The following CERS5 variants were observed in gnomAD, a reference collection of about 807,000 sequenced individuals.
The protein encoded by CERS5 is ceramide synthase 5, also known as LAG1 homolog, ceramide synthase 5.
A neutral mutation model predicts 58.9 loss-of-function variants in CERS5; 37 were observed. The observed-to-expected ratio is 0.63, with a 90% CI of 0.48 to 0.83. CERS5 has a LOEUF of 0.83. CERS5 is among the 40% of genes least tolerant of loss of function. The probability of loss-of-function intolerance (pLI) is 0.00; values close to 1 mark genes in which losing one functional copy is unlikely to be tolerated. For missense variants in CERS5, 398 were observed against 489.3 expected (o/e 0.81, Z 1.76); for synonymous variants, 147 against 177.8 (o/e 0.83, Z 1.38).
intron 1 of CERS5, among the ~76,000 whole-genome samples, chr12:50,156,399 G>C (rs1210156125): frequency 1.1e-5 from 1 of 90,848 alleles, no homozygotes; most frequent in African/African-American, 4.4e-5. Flanking sequence ...GCAAGACTCT[G>C]TCTCAAAACA....
chr12:50,143,978 C>T lies in CERS5; in HGVS notation c.277G>A (p.Glu93Lys). The T allele has an allele frequency of 1.2e-6, 2 of 1,610,488 alleles. No individual in the cohort carries two copies. The highest frequency in any genetic ancestry group is 1.7e-6 in the Non-Finnish European group (2 of 1,176,806). ...PYQAQPNAILEKVFISITKYP... is the reference protein window; with the variant it reads ...PYQAQPNAILKKVFISITKYP... ...TTGGTAATAGATATGAACACCTTTT[C>T]AAGGATGGCATTGGGTTGGGCCTGA... Residue 93 changes from glutamate to lysine, a missense_variant, in exon 2 of 10, where the codon GAA becomes AAA. Around this residue, in one of 3 missense-constraint regions of CERS5, gnomAD observed 328 missense variants for 384.5 expected, o/e 0.85. Coordinates refer to ENST00000317551, the MANE Select transcript of CERS5 (RefSeq NM_147190.5).
At chr12:50,163,001 C>G (rs952360993) in intron 1 of CERS5, among the ~76,000 whole-genome samples, 3 of 152,088 alleles carry the variant, frequency 2.0e-5, no homozygotes, top group Non-Finnish European at 4.4e-5. Context: ...TGGGCTCAAG[C>G]CATCTTCCTG....
At chr12:50,166,826 T>C (rs1414202933) in intron 1 of CERS5, among the ~76,000 whole-genome samples, 1 of 152,104 alleles carries the variant, frequency 6.6e-6, no homozygotes, top group East Asian at 1.9e-4. Flanking sequence ...GGAGGAGGCC[T>C]ATATGACCCC....
At position 50,147,848 on chromosome 12, in the gene CERS5, G is replaced by A. The variant is rs139853003; in HGVS notation, c.198-3791C>T. ...GCTGGAGTGCAGTGGTGTGATCACTGCTCACTGCAGCCTTGACTTCCTAAG... is the reference window on the plus strand; with the variant it reads ...GCTGGAGTGCAGTGGTGTGATCACTACTCACTGCAGCCTTGACTTCCTAAG... On this transcript the variant is annotated intron_variant, in intron 1 of 9. Transcript: ENST00000317551. Among the ~76,000 whole-genome samples, 322 of 152,230 alleles carry A rather than the reference G, an allele frequency of 2.1e-3. 1 individual carries two copies. The highest frequency in any genetic ancestry group is 7.2e-3 in the African/African-American group (301 of 41,538).
chr12:50,163,166 G>C (rs1212120590), intron 1 of CERS5, among the ~76,000 whole-genome samples: 1 of 152,002 alleles, frequency 6.6e-6, no homozygotes, highest in Non-Finnish European at 1.5e-5. Context: ...CCAAAGTGTT[G>C]GGATTACAGG....
chr12:50,133,759 G>A (rs577567908), intron 9 of CERS5: 8 of 985,424 alleles, frequency 8.1e-6, no homozygotes, highest in South Asian at 4.7e-5. Flanking sequence ...TTCCTCTTGC[G>A]TCTAAGTCAC....
chr12:50,166,838 C>T (rs1019148487), intron 1 of CERS5, among the ~76,000 whole-genome samples: 1 of 152,164 alleles, frequency 6.6e-6, no homozygotes, highest in African/African-American at 2.4e-5. Context: ...TATGACCCCC[C>T]CAATCCAACT....
chr12:50,154,657 T>A (rs567330936), intron 1 of CERS5, among the ~76,000 whole-genome samples: 3 of 152,328 alleles, frequency 2.0e-5, no homozygotes, highest in Middle Eastern at 3.4e-3. Context: ...AGCTTATTTA[T>A]GTTAACATGT....
intron 1 of CERS5, among the ~76,000 whole-genome samples, chr12:50,150,039 G>C (rs1937777664): frequency 6.6e-6 from 1 of 152,190 alleles, no homozygotes; most frequent in East Asian, 1.9e-4. Context: ...AGCATACTCA[G>C]CCACAAATGT....
intron 1 of CERS5, among the ~76,000 whole-genome samples, chr12:50,166,779 G>A (rs966864331): frequency 6.6e-6 from 1 of 152,102 alleles, no homozygotes; most frequent in Non-Finnish European, 1.5e-5. Flanking sequence ...AGCTCACACT[G>A]AACCTGTTTC....
intron 1 of CERS5, among the ~76,000 whole-genome samples, chr12:50,154,811 T>G (rs918345870): frequency 6.6e-6 from 1 of 152,142 alleles, no homozygotes; most frequent in Admixed American, 6.6e-5. Flanking sequence ...ATTACAAGTG[T>G]GAACCCCTGC....
At chr12:50,165,393 T>TGGGC (rs1939764019) in intron 1 of CERS5, 1 of 144,658 alleles carries the variant, frequency 6.9e-6, no homozygotes, top group South Asian at 2.1e-4. Flanking sequence ...CACTCCAGCC[T>TGGGC]GGGCGACAGA....
At chr12:50,166,870 C>A (rs1166091970) in intron 1 of CERS5, among the ~76,000 whole-genome samples, 2 of 152,174 alleles carry the variant, frequency 1.3e-5, no homozygotes, top group Non-Finnish European at 2.9e-5. Flanking sequence ...ATTGAAGGGG[C>A]CCAGCATTCC....
rs1179698046 is a variant in CERS5, at chr12:50,165,829, C to CT, written c.197+1271dup. ...AAGAACCACCCTCATTACCTGAGGCCTATGGCAGAAACATGTCTCCTTTCT... is the reference window on the plus strand; with the variant it reads ...AAGAACCACCCTCATTACCTGAGGCCTTATGGCAGAAACATGTCTCCTTTCT... On this transcript the variant is annotated intron_variant, in intron 1 of 9. Coordinates refer to ENST00000317551, the MANE Select transcript of CERS5 (RefSeq NM_147190.5). 1.0e-5 allele frequency: 4 copies of CT among 384,144 alleles called. No homozygotes were observed. In the East Asian group the frequency reaches 3.6e-4, roughly 34 times the overall value. The allele number at this position is 384,144 out of a possible 1,614,324, so 23.8% of individuals were successfully genotyped here. A position where few individuals can be genotyped will look rare whatever the true frequency, so the allele number is the denominator to read the frequency against.
At chr12:50,149,820 A>G (rs1275124566) in intron 1 of CERS5, among the ~76,000 whole-genome samples, 3 of 152,078 alleles carry the variant, frequency 2.0e-5, no homozygotes, top group African/African-American at 7.2e-5. Flanking sequence ...GCTCACTGCA[A>G]CCTCCGCCTC....
At chr12:50,141,979 G>GTATT (rs1380245718) in intron 4 of CERS5, 74 bp downstream of exon 4, 1 of 829,056 alleles carries the variant, frequency 1.2e-6, no homozygotes, top group Non-Finnish European at 2.0e-6. Context: ...AAATCTAAAG[G>GTATT]TATTTAACTC....
intron 8 of CERS5, chr12:50,135,482 G>A (rs1335995333): frequency 2.9e-6 from 2 of 681,314 alleles, no homozygotes; most frequent in Admixed American, 4.1e-5. Flanking sequence ...GTCCTGAGAA[G>A]CCAACCAAGC....
At chr12:50,156,034 A>C (rs1938559390) in intron 1 of CERS5, among the ~76,000 whole-genome samples, 1 of 133,872 alleles carries the variant, frequency 7.5e-6, no homozygotes, top group Non-Finnish European at 1.5e-5. Flanking sequence ...TGGGAAGCAG[A>C]GGTTGCAGTG....
intron 4 of CERS5, 89 bp downstream of exon 4, chr12:50,141,961 AAAG>A (rs960761878): frequency 1.7e-5 from 13 of 787,478 alleles, no homozygotes; most frequent in Admixed American, 3.0e-5. Flanking sequence ...AAAAAAAAGA[AAAG>A]AAAAAAATCT....
Sources: gnomAD v4.1 joint callset for allele counts (sites outside exome capture counted in the v4.1 genomes callset) on GRCh38, gnomAD v4.1.1 for gene constraint, gnomAD v4.1.1 regional missense constraint, MANE v1.5 for transcripts, NCBI Gene and HGNC (gene_info 2026-07-23, HGNC 2026-07-21) for gene names.